TESMIN: variants seen among roughly 807,000 people sequenced by gnomAD.
TESMIN encodes CXC domain containing 2.
In TESMIN, 34 loss-of-function variants were observed where a neutral mutation model predicts 47.4. That is an observed-to-expected ratio of 0.72 (90% CI 0.55 to 0.96). The LOEUF is 0.96. TESMIN is among the 40% of genes least tolerant of loss of function. The pLI, the probability that TESMIN is intolerant of heterozygous loss-of-function variation, is 0.00. For synonymous variants in TESMIN, 278 were observed against 258.9 expected, an observed-to-expected ratio of 1.07 and a Z score of -0.71; for missense variants, 610 against 637.2, an observed-to-expected ratio of 0.96 and a Z score of 0.46.
At chr11:68,741,425 T>G (rs903627119) in intron 5 of TESMIN, among the ~76,000 whole-genome samples, 1 of 152,190 alleles carries the variant, frequency 6.6e-6, no homozygotes, top group Non-Finnish European at 1.5e-5. Flanking sequence ...TTTTTAAACC[T>G]GCAACTAGGC....
chr11:68,709,050 G>A lies in TESMIN; in HGVS notation c.1335-550C>T, dbSNP rs150365745. On this transcript the variant is annotated intron_variant, in intron 9 of 9. Transcript: ENST00000255087. Reference sequence around the variant, plus strand: ...ACAGGCGTGAGCCACCACACCCGGCGGAGACCCTGTCTTAAAAAAAAAAAA... The same window carrying A: ...ACAGGCGTGAGCCACCACACCCGGCAGAGACCCTGTCTTAAAAAAAAAAAA... Among the ~76,000 whole-genome samples, 816 of 149,162 alleles carry A rather than the reference G, an allele frequency of 5.5e-3. 3 individuals carry two copies. The highest frequency in any genetic ancestry group is 0.019 in the African/African-American group (757 of 40,550).
At chr11:68,734,956 C>G (rs892900449) in intron 6 of TESMIN, among the ~76,000 whole-genome samples, 1 of 152,174 alleles carries the variant, frequency 6.6e-6, no homozygotes, top group Non-Finnish European at 1.5e-5. Context: ...ACCACCTGTG[C>G]ATCTGTTTAG....
chr11:68,740,773 T>C (rs1946446547), intron 5 of TESMIN, among the ~76,000 whole-genome samples: 1 of 152,214 alleles, frequency 6.6e-6, no homozygotes, highest in Non-Finnish European at 1.5e-5. Flanking sequence ...TCTATTCATA[T>C]GGCTTTCAAC....
At chr11:68,746,891 A>G (rs1421806179) in intron 3 of TESMIN, among the ~76,000 whole-genome samples, 1 of 152,214 alleles carries the variant, frequency 6.6e-6, no homozygotes, top group Non-Finnish European at 1.5e-5. Context: ...CCCCACACCA[A>G]TATGCCAAAC....
chr11:68,740,077 G>A (rs1486139691), intron 5 of TESMIN, among the ~76,000 whole-genome samples: 1 of 152,128 alleles, frequency 6.6e-6, no homozygotes, highest in Non-Finnish European at 1.5e-5. Context: ...TGGTCCTCTT[G>A]GAGTGAAGGA....
chr11:68,743,234 C>CT (rs57435562), intron 4 of TESMIN, among the ~76,000 whole-genome samples: 1,668 of 123,018 alleles, frequency 0.014, 24 homozygotes, highest in African/African-American at 0.029. Context: ...ACAGGAACTA[C>CT]TTTTTTTTTT....
Position 68,711,009 on chromosome 11 carries a change from C to T in TESMIN, c.1199G>A (p.Cys400Tyr). 5.0e-6 allele frequency: 8 copies of T among 1,612,880 alleles called. No homozygotes were observed. The highest frequency in any genetic ancestry group is 6.8e-6 in the Non-Finnish European group (8 of 1,179,544). Residue 400 changes from cysteine (C) to tyrosine (Y), a missense_variant, in exon 9 of 10, where the codon TGC becomes TAC. Physicochemically the swap from Cys to Tyr is radical, Grantham distance 194. Coordinates refer to ENST00000255087, the MANE Select transcript of TESMIN (RefSeq NM_004923.3). ...MCSSICKCIG[C>Y]KNYEESPERK... ...TTCTGGGCTTTCTTCATAATTTTTG[C>T]AACCAATGCATTTGCAAATAGAAGA...
intron 6 of TESMIN, among the ~76,000 whole-genome samples, chr11:68,716,880 T>C (rs1320826677): frequency 6.6e-6 from 1 of 152,198 alleles, no homozygotes; most frequent in African/African-American, 2.4e-5. Context: ...AGAAGACCCC[T>C]GTCACTGTCT....
Position 68,716,648 on chromosome 11 carries a change from G to T in TESMIN, c.918-709C>A, listed in dbSNP as rs182095064. ...TGAGGGCTTCCTGGGAGAGCCGCCAGTGCTGGCAGCCAGTCTCCCTCCCAA... is the reference window on the plus strand; with the variant it reads ...TGAGGGCTTCCTGGGAGAGCCGCCATTGCTGGCAGCCAGTCTCCCTCCCAA... On this transcript the variant is annotated intron_variant, in intron 6 of 9. Coordinates refer to ENST00000255087, the MANE Select transcript of TESMIN (RefSeq NM_004923.3). Among the ~76,000 whole-genome samples the T allele has an allele frequency of 5.5e-4, 84 of 152,354 alleles. 2 individuals are homozygous for T. The highest frequency in any genetic ancestry group is 2.2e-3 in the Admixed American group (34 of 15,312).
chr11:68,749,972 C>G (rs1233201715), intron 2 of TESMIN, among the ~76,000 whole-genome samples: 1 of 152,128 alleles, frequency 6.6e-6, no homozygotes, highest in East Asian at 1.9e-4. Flanking sequence ...GGGCAGAATT[C>G]CCTCCAGGGG....
At chr11:68,748,519 C>T (rs937771761) in intron 2 of TESMIN, among the ~76,000 whole-genome samples, 2 of 152,200 alleles carry the variant, frequency 1.3e-5, no homozygotes, top group Non-Finnish European at 2.9e-5. Flanking sequence ...TTTCCTCAGA[C>T]CTATGCAACT....
chr11:68,715,793 T>G (rs946565906), intron 7 of TESMIN, 44 bp downstream of exon 7: 59 of 1,381,652 alleles, frequency 4.3e-5, no homozygotes, highest in Non-Finnish European at 5.8e-5. Context: ...CTCAAACAGT[T>G]TGAAATGCTT....
intron 3 of TESMIN, among the ~76,000 whole-genome samples, chr11:68,745,758 A>AC (rs1449948939): frequency 6.6e-6 from 1 of 152,068 alleles, no homozygotes; most frequent in African/African-American, 2.4e-5. Flanking sequence ...GCACTGTCAG[A>AC]CCCCCCTTGG....
chr11:68,719,567 T>C (rs1030248068), intron 6 of TESMIN, among the ~76,000 whole-genome samples: 2 of 152,206 alleles, frequency 1.3e-5, no homozygotes, highest in African/African-American at 4.8e-5. Flanking sequence ...TTTAGACTTA[T>C]GGAAGCAAAT....
intron 1 of TESMIN, among the ~76,000 whole-genome samples, 191 bp downstream of exon 1, chr11:68,751,229 G>A (rs1161268872): frequency 9.1e-5 from 12 of 131,360 alleles, no homozygotes; most frequent in Non-Finnish European, 1.8e-4. Context: ...CGAGGAGGGG[G>A]TCAGGTGAGG....
At chr11:68,721,656 A>G (rs1487059880) in intron 6 of TESMIN, among the ~76,000 whole-genome samples, 1 of 152,166 alleles carries the variant, frequency 6.6e-6, no homozygotes, top group Non-Finnish European at 1.5e-5. Context: ...AAATGATACA[A>G]TGCATATGTT....
intron 6 of TESMIN, chr11:68,733,527 G>A (rs1946353119): frequency 6.6e-6 from 1 of 152,202 alleles, no homozygotes; most frequent in African/African-American, 2.4e-5. Context: ...ATTAGGACAA[G>A]GTTGCTGAGA....
chr11:68,708,631 T>C (rs781563363), intron 9 of TESMIN, 131 bp from the exon 10 acceptor site: 1 of 888,510 alleles, frequency 1.1e-6, no homozygotes. Context: ...TCTAACGTTG[T>C]CTTCCTCATA....
At position 68,710,910 on chromosome 11, in the gene TESMIN, G is replaced by T. The variant is rs370660628; in HGVS notation, c.1298C>A (p.Thr433Lys). The T allele has an allele frequency of 6.2e-7, 1 of 1,613,554 alleles. No individual in the cohort carries two copies. Among genetic ancestry groups the T allele is most frequent in the Non-Finnish European group, 8.5e-7 (1 of 1,179,876 alleles). The change falls in exon 9 of 10, where the codon ACG becomes AAG. Residue 433 changes from threonine (T) to lysine (K), a missense_variant. By Grantham distance (78) the Thr-to-Lys change is moderately conservative. Transcript: ENST00000255087. ...GAATCTTGGAAGTCCTGAAAATTTC[G>T]TTGGTGGCAGGTAATGGCTGCCTTC... Reference protein sequence around the residue: ...GLEGSHYLPPTKFSGLPRFSH... With the variant: ...GLEGSHYLPPKKFSGLPRFSH...
Sources: allele counts gnomAD v4.1 joint callset (sites outside exome capture counted in the v4.1 genomes callset), GRCh38; gene constraint gnomAD v4.1.1; transcripts MANE v1.5; gene names NCBI Gene and HGNC (gene_info 2026-07-23, HGNC 2026-07-21).